The following TJAP1 variants were observed in gnomAD, a reference collection of about 807,000 sequenced individuals.
TJAP1 encodes tight junction associated protein 1, also known as tight junction-associated protein 1.
In TJAP1, 27 loss-of-function variants were observed where a neutral mutation model predicts 42.0. That is an observed-to-expected ratio of 0.64 (90% CI 0.47 to 0.89). The LOEUF is 0.89. Among genes scored for constraint, TJAP1 ranks in the 40% least tolerant of loss-of-function variants. The pLI is 0.00. For missense variants in TJAP1, 712 were observed against 726.9 expected (o/e 0.98, Z 0.24); for synonymous variants, 257 against 288.4 (o/e 0.89, Z 1.10).
chr6:43,486,020 G>A (rs1786398627), intron 2 of TJAP1, among the ~76,000 whole-genome samples: 1 of 150,918 alleles, frequency 6.6e-6, no homozygotes, highest in African/African-American at 2.4e-5. Context: ...TGCTCAGGGT[G>A]GAGTGCAGTG....
At chr6:43,500,922 A>G in intron 5 of TJAP1, 150 bp downstream of exon 5, 1 of 838,288 alleles carries the variant, frequency 1.2e-6, no homozygotes, top group Non-Finnish European at 2.0e-6. Context: ...AGGAGTGTTG[A>G]TGTTGTGGAT....
chr6:43,493,711 A>G (rs1788327009), intron 2 of TJAP1, among the ~76,000 whole-genome samples: 2 of 152,114 alleles, frequency 1.3e-5, no homozygotes, highest in African/African-American at 4.8e-5. Context: ...TTGGGCTGGA[A>G]ACTTTTTGCT....
rs77386052 is a variant in TJAP1, at chr6:43,505,209, G to T, written c.1028G>T (p.Arg343Leu). 1 of 1,614,012 alleles carries T rather than the reference G, an allele frequency of 6.2e-7. No individual in the cohort carries two copies. The highest frequency in any genetic ancestry group is 1.7e-5 in the Admixed American group (1 of 60,002). ...TCTGAGGATAAGGTTCGGATCCCCC[G>T]CAACAGCCCCCTGCCCAACTGCACT... Residue 343 changes from arginine (R) to leucine (L), a missense_variant, in exon 11 of 11, where the codon CGC becomes CTC. Transcript: ENST00000372449. This position sits in a 1 kb window ranked among gnomAD's most constrained non-coding sequence, Gnocchi z 5.5.
intron 8 of TJAP1, chr6:43,502,832 T>C (rs1226336809): frequency 8.0e-6 from 5 of 624,614 alleles, no homozygotes; most frequent in Non-Finnish European, 1.4e-5. Flanking sequence ...GAGGTACTGA[T>C]TGATGTCTCC....
chr6:43,490,325 A>G (rs1787533933), intron 2 of TJAP1, among the ~76,000 whole-genome samples: 1 of 151,860 alleles, frequency 6.6e-6, no homozygotes, highest in Non-Finnish European at 1.5e-5. Context: ...CTCCCTTCAT[A>G]CAGAATTGGT....
At chr6:43,483,741 G>C (rs1785817107) in intron 2 of TJAP1, among the ~76,000 whole-genome samples, 1 of 152,214 alleles carries the variant, frequency 6.6e-6, no homozygotes, top group South Asian at 2.1e-4. Context: ...TAACCAGTAG[G>C]ATTCTTGGTC....
intron 2 of TJAP1, among the ~76,000 whole-genome samples, chr6:43,479,818 A>C (rs1348208149): frequency 6.6e-6 from 1 of 152,034 alleles, no homozygotes; most frequent in Non-Finnish European, 1.5e-5. Flanking sequence ...AAAAATACAA[A>C]AATCGGCTGG....
At chr6:43,490,623 G>A (rs570932633) in intron 2 of TJAP1, among the ~76,000 whole-genome samples, 1 of 152,348 alleles carries the variant, frequency 6.6e-6, no homozygotes, top group Non-Finnish European at 1.5e-5. Context: ...GGGCAGAAAA[G>A]TGAAGCTACT....
At chr6:43,503,549 T>C in intron 9 of TJAP1, 41 bp downstream of exon 9, 3 of 1,611,024 alleles carry the variant, frequency 1.9e-6, no homozygotes, top group African/African-American at 1.3e-5. Context: ...CACCTGGGGC[T>C]AGCTTTGTCC....
intron 2 of TJAP1, among the ~76,000 whole-genome samples, chr6:43,493,808 T>C (rs1788354491): frequency 6.6e-6 from 1 of 152,088 alleles, no homozygotes; most frequent in Non-Finnish European, 1.5e-5. Flanking sequence ...CTCATACCAC[T>C]CTGTCTCTAG....
In TJAP1 at chr6:43,495,874, G is replaced by T. The variant is rs2127573274; in HGVS notation, c.-121-2007G>T. ...TGGCAACTAGAGCCAGGGCTGCAGG[G>T]TGTGGAGTGAAGCAGCCTTCCCTAC... On this transcript the variant is annotated intron_variant, in intron 2 of 10. Coordinates refer to ENST00000372449, the Ensembl canonical transcript of TJAP1. This position sits in a 1 kb window ranked among gnomAD's most constrained non-coding sequence, Gnocchi z 4.6. Among the ~76,000 whole-genome samples the T allele has an allele frequency of 6.6e-6, 1 of 152,268 alleles. No individual in the cohort carries two copies. The highest frequency in any genetic ancestry group is 2.4e-5 in the African/African-American group (1 of 41,532).
At chr6:43,489,567 C>T (rs1787340093) in intron 2 of TJAP1, 2 of 152,468 alleles carry the variant, frequency 1.3e-5, no homozygotes, top group African/African-American at 4.8e-5. Flanking sequence ...CTGTGGGTGG[C>T]TTTGTTCTTA....
exon 11 of TJAP1, chr6:43,504,790 G>A: frequency 6.2e-6 from 10 of 1,613,910 alleles, no homozygotes; most frequent in Non-Finnish European, 7.6e-6. Flanking sequence ...ACATGGTTCG[G>A]AAACATTTGC....
rs113154532 is a variant in TJAP1, at chr6:43,492,297, G to T, written c.-121-5584G>T. ...CTGTTTGGTTTAGAGTAGGCAGGGG[G>T]CCAGGTCAGGGCTGCAGGCAACTTG... is the stretch of plus-strand genomic sequence containing the variant. On this transcript the variant is annotated intron_variant, in intron 2 of 10. Coordinates refer to ENST00000372449, the Ensembl canonical transcript of TJAP1. The surrounding 1 kb of genome is among the most constrained non-coding windows in gnomAD (Gnocchi z 4.2). 3.7e-4 allele frequency among the ~76,000 whole-genome samples: 57 copies of T among 152,290 alleles called. 1 individual carries two copies. The highest frequency in any genetic ancestry group is 3.4e-3 in the Middle Eastern group (1 of 294).
At chr6:43,504,846 C>T in exon 11 of TJAP1, 2 of 1,614,238 alleles carry the variant, frequency 1.2e-6, no homozygotes, top group Non-Finnish European at 1.7e-6. Context: ...CCCAGCCTAG[C>T]CCCAGGGGCT....
At chr6:43,479,513 C>T (rs1264690413) in intron 2 of TJAP1, among the ~76,000 whole-genome samples, 7 of 152,270 alleles carry the variant, frequency 4.6e-5, no homozygotes, top group African/African-American at 1.7e-4. Context: ...GACTCTGAGC[C>T]CGGCCTAGTG....
At chr6:43,479,767 C>G (rs1784928150) in intron 2 of TJAP1, among the ~76,000 whole-genome samples, 1 of 152,130 alleles carries the variant, frequency 6.6e-6, no homozygotes, top group African/African-American at 2.4e-5. Context: ...GTCAAGAGAT[C>G]GAGACCATCC....
chr6:43,482,547 A>G (rs1785536315), intron 2 of TJAP1, among the ~76,000 whole-genome samples: 2 of 152,102 alleles, frequency 1.3e-5, no homozygotes, highest in Non-Finnish European at 2.9e-5. Flanking sequence ...TTCCTTTAGT[A>G]TCTCACCCCT....
At chr6:43,487,398 G>A (rs1206562355) in intron 2 of TJAP1, among the ~76,000 whole-genome samples, 1 of 152,220 alleles carries the variant, frequency 6.6e-6, no homozygotes, top group Non-Finnish European at 1.5e-5. Flanking sequence ...CTGAATCTCA[G>A]AAGTCTTTGA....
Sources: allele counts gnomAD v4.1 joint callset (sites outside exome capture counted in the v4.1 genomes callset), GRCh38; gene constraint gnomAD v4.1.1; non-coding constraint Gnocchi (gnomAD v3.1); transcripts MANE v1.5; gene names NCBI Gene and HGNC (gene_info 2026-07-23, HGNC 2026-07-21).